The following GABRA2 variants were observed in gnomAD, a reference collection of about 807,000 sequenced individuals.
GABRA2 encodes gamma-aminobutyric acid receptor subunit alpha-2.
In GABRA2, 16 loss-of-function variants were observed where a neutral mutation model predicts 48.7. The ratio of observed to expected loss-of-function variants is 0.33; its 90% CI spans 0.22 to 0.50. The LOEUF (loss-of-function observed/expected upper bound fraction) is 0.50. Ranked by LOEUF, GABRA2 falls within the 20% of genes least tolerant of loss-of-function variation. The pLI, the probability that GABRA2 is intolerant of heterozygous loss-of-function variation, is 0.98. For synonymous variants in GABRA2, 185 were observed against 184.5 expected (o/e 1.00, Z -0.02); for missense variants, 275 against 535.6 (o/e 0.51, Z 4.80).
rs1452514860 is a variant in GABRA2, at chr4:46,389,895, G to A, written c.-171C>T. The stretch of plus-strand genomic sequence containing the variant: ...TGCAGCAGCCAAGAGAGCGTGGAGC[G>A]ATGGGCTGGTGGAAGCCGGAGAGGA... On this transcript the variant is annotated 5_prime_UTR_variant, in exon 1 of 10. Coordinates refer to ENST00000381620, the MANE Select transcript of GABRA2 (RefSeq NM_000807.4). The A allele has an allele frequency of 2.2e-5, 22 of 984,026 alleles. No homozygotes were observed. Among genetic ancestry groups the A allele is most frequent in the Non-Finnish European group, 2.3e-5 (19 of 830,684 alleles). 61.0% of individuals were successfully genotyped at this position (984,026 alleles called of 1,614,324 possible). A position where few individuals can be genotyped will look rare whatever the true frequency, so the allele number is the denominator to read the frequency against.
chr4:46,247,664 A>AT lies in GABRA2; in HGVS notation c.*2643dup, dbSNP rs1457885230. On this transcript the variant is annotated 3_prime_UTR_variant, in exon 10 of 10. Transcript: ENST00000381620. ...GGGCCAAAGAGATCAGTGTTAGTAT[A>AT]TATAAAATGTATTTTCTGAAAAATT... 6.6e-6 allele frequency among the ~76,000 whole-genome samples: 1 copy of AT among 151,240 alleles called. No individual in the cohort carries two copies. Among genetic ancestry groups the AT allele is most frequent in the Non-Finnish European group, 1.5e-5 (1 of 67,482 alleles).
rs111851307 is a variant in GABRA2, at chr4:46,248,175, G to T, written c.*2133C>A. ...TTTATAAATTTATAACTTATAGTCA[G>T]ACATTAAGGGGGCAATGCGGACTTT... On this transcript the variant is annotated 3_prime_UTR_variant, in exon 10 of 10. Coordinates refer to ENST00000381620, the MANE Select transcript of GABRA2 (RefSeq NM_000807.4). Among the ~76,000 whole-genome samples the T allele has an allele frequency of 4.0e-5, 6 of 151,314 alleles. No homozygotes were observed. Among genetic ancestry groups the T allele is most frequent in the African/African-American group, 1.4e-4 (6 of 41,418 alleles).
intron 2 of GABRA2, among the ~76,000 whole-genome samples, chr4:46,387,824 A>T (rs62304127): frequency 6.6e-6 from 1 of 152,166 alleles, no homozygotes; most frequent in Non-Finnish European, 1.5e-5. Context: ...TTAGATTTTT[A>T]AAAATAAATA....
In GABRA2 at chr4:46,248,294, T is replaced by C. The variant is rs1714085255; in HGVS notation, c.*2014A>G. ...GGCATTGTGTACTTCCTTATACAAT[T>C]GCACACATCCCTAAACTATACAGAA... On this transcript the variant is annotated 3_prime_UTR_variant, in exon 10 of 10. Coordinates refer to ENST00000381620, the MANE Select transcript of GABRA2 (RefSeq NM_000807.4). 1 of 151,398 alleles carries C rather than the reference T, an allele frequency of 6.6e-6. No homozygotes were observed. Among genetic ancestry groups the C allele is most frequent in the Non-Finnish European group, 1.5e-5 (1 of 67,562 alleles). 9.4% of individuals were successfully genotyped at this position (151,398 alleles called of 1,614,324 possible).
chr4:46,296,564 T>C (rs1475798930), intron 8 of GABRA2, among the ~76,000 whole-genome samples: 1 of 150,150 alleles, frequency 6.7e-6, no homozygotes, highest in African/African-American at 2.5e-5. Flanking sequence ...TGCCCTGTGA[T>C]TAAGGTCAAT....
At chr4:46,260,213 G>A (rs1286579901) in intron 9 of GABRA2, among the ~76,000 whole-genome samples, 1 of 151,852 alleles carries the variant, frequency 6.6e-6, no homozygotes, top group African/African-American at 2.4e-5. Flanking sequence ...AACAAGCAAT[G>A]TCTGATATAT....
chr4:46,386,290 T>C, intron 2 of GABRA2, 101 bp from the exon 3 acceptor site: 1 of 663,596 alleles, frequency 1.5e-6, no homozygotes, highest in Non-Finnish European at 2.6e-6. Flanking sequence ...CTCCCTGAGC[T>C]ATTAGTACCA....
chr4:46,290,004 C>T (rs1232180010), intron 8 of GABRA2, among the ~76,000 whole-genome samples: 5 of 150,846 alleles, frequency 3.3e-5, no homozygotes, highest in Non-Finnish European at 5.9e-5. Context: ...ACCCGCCTCC[C>T]GGGTTCACGC....
intron 8 of GABRA2, among the ~76,000 whole-genome samples, chr4:46,281,657 T>C: frequency 6.6e-6 from 1 of 152,100 alleles, no homozygotes; most frequent in South Asian, 2.1e-4. Flanking sequence ...CAGGATGATG[T>C]TGGAGTAGTA....
At chr4:46,333,098 A>G (rs965403669) in intron 3 of GABRA2, among the ~76,000 whole-genome samples, 1 of 152,122 alleles carries the variant, frequency 6.6e-6, no homozygotes, top group Non-Finnish European at 1.5e-5. Flanking sequence ...GATAGTAGAG[A>G]CTCAATTTAC....
chr4:46,278,301 G>A (rs502038), intron 8 of GABRA2, among the ~76,000 whole-genome samples: 3 of 151,838 alleles, frequency 2.0e-5, no homozygotes, highest in Non-Finnish European at 4.4e-5. Flanking sequence ...TCACACATAT[G>A]GTTCCATGGA....
Position 46,332,659 on chromosome 4 carries a change from T to C in GABRA2, c.211A>G (p.Asn71Asp), listed in dbSNP as rs763350924. 1 of 1,592,610 alleles carries C rather than the reference T, an allele frequency of 6.3e-7. No homozygotes were observed. The highest frequency in any genetic ancestry group is 8.6e-7 in the Non-Finnish European group (1 of 1,160,684). ...LGDSITEVFT[N>D]IYVTSFGPVS... Reference sequence around the variant, plus strand: ...GGGCCAAAACTGGTCACGTAGATGTTAGTGAAGACTTCAGTAATACTGTCT... The same window carrying C: ...GGGCCAAAACTGGTCACGTAGATGTCAGTGAAGACTTCAGTAATACTGTCT... The change falls in exon 4 of 10, where the codon AAC (asparagine) becomes GAC (aspartate). Residue 71 changes from asparagine (N) to aspartate (D), a missense_variant. Transcript: ENST00000381620.
intron 8 of GABRA2, among the ~76,000 whole-genome samples, chr4:46,269,523 T>G (rs988205570): frequency 6.6e-6 from 1 of 151,876 alleles, no homozygotes; most frequent in Non-Finnish European, 1.5e-5. Context: ...CTACAAATAT[T>G]CTGCATTAAA....
At chr4:46,352,960 G>A (rs1735384280) in intron 3 of GABRA2, among the ~76,000 whole-genome samples, 1 of 152,050 alleles carries the variant, frequency 6.6e-6, no homozygotes, top group Admixed American at 6.6e-5. Context: ...TCTCTCAGCA[G>A]TAGAGTTGTC....
chr4:46,372,762 C>A (rs1450288913), intron 3 of GABRA2, among the ~76,000 whole-genome samples: 1 of 152,040 alleles, frequency 6.6e-6, no homozygotes, highest in African/African-American at 2.4e-5. Context: ...TATAAAAAGC[C>A]ACTTGAGATT....
rs1256493405 is a variant in GABRA2 at position 46,389,945 on chromosome 4, C to A, written c.-221G>T. ...AGCGCTAGGAGCCGCGGCGGCGGCG[C>A]GAGGTGTAGAAGGAGGCGAAGGCGT... On this transcript the variant is annotated 5_prime_UTR_variant, in exon 1 of 10. Transcript: ENST00000381620. 7 of 984,660 alleles carry A rather than the reference C, an allele frequency of 7.1e-6. No homozygotes were observed. In the African/African-American group the frequency reaches 1.3e-4, roughly 18 times the overall value. The allele number at this position is 984,660 out of a possible 1,614,324, so 61.0% of individuals were successfully genotyped here. A position where few individuals can be genotyped will look rare whatever the true frequency, so the allele number is the denominator to read the frequency against.
chr4:46,356,907 C>T (rs1053940078), intron 3 of GABRA2, among the ~76,000 whole-genome samples: 1 of 151,970 alleles, frequency 6.6e-6, no homozygotes, highest in African/African-American at 2.4e-5. Context: ...AGAAACTGAA[C>T]ATGATCAGCT....
chr4:46,275,769 G>C (rs1429231684), intron 8 of GABRA2, among the ~76,000 whole-genome samples: 1 of 152,036 alleles, frequency 6.6e-6, no homozygotes, highest in African/African-American at 2.4e-5. Flanking sequence ...TCCTTGAGGT[G>C]ATTTAACTGA....
At chr4:46,352,307 G>C (rs73244134) in intron 3 of GABRA2, among the ~76,000 whole-genome samples, 3,969 of 151,880 alleles carry the variant, frequency 0.026, 64 homozygotes, top group Middle Eastern at 0.065. Context: ...TTTGGAATTG[G>C]CATGACATTT....
Sources: allele counts gnomAD v4.1 joint callset (sites outside exome capture counted in the v4.1 genomes callset), GRCh38; gene constraint gnomAD v4.1.1; transcripts MANE v1.5; gene names NCBI Gene and HGNC (gene_info 2026-07-23, HGNC 2026-07-21).